The following ATP2B3 variants were observed in gnomAD, a reference collection of about 807,000 sequenced individuals.
The protein encoded by ATP2B3 is ATPase plasma membrane Ca2+ transporting 3.
ATP2B3 carries 12 observed loss-of-function variants against 70.8 expected under a neutral mutation model. The observed-to-expected ratio is 0.17, with a 90% CI of 0.11 to 0.27. The LOEUF (loss-of-function observed/expected upper bound fraction) is 0.27. ATP2B3 is among the 10% of genes least tolerant of loss of function. The probability of loss-of-function intolerance (pLI) is 1.00; values close to 1 mark genes in which losing one functional copy is unlikely to be tolerated. For missense variants in ATP2B3, 858 were observed against 1,118.5 expected, an observed-to-expected ratio of 0.77 and a Z score of 3.32; for synonymous variants, 460 against 497.8, an observed-to-expected ratio of 0.92 and a Z score of 1.01.
rs782331590 is a variant in ATP2B3, at chrX:153,556,237, C to T, written c.2238+9C>T. ...GCAATGAGAAAGGCGAGGTAGCACCCGGCTGTCTGCCACCCCAGACCCCCC... is the reference window on the plus strand; with the variant it reads ...GCAATGAGAAAGGCGAGGTAGCACCTGGCTGTCTGCCACCCCAGACCCCCC... On this transcript the variant is annotated intron_variant, in intron 14 of 21. Coordinates refer to ENST00000263519, the MANE Select transcript of ATP2B3 (RefSeq NM_001001344.3). 13 of 1,204,918 alleles carry T rather than the reference C, an allele frequency of 1.1e-5. No homozygotes were observed. Among genetic ancestry groups the T allele is most frequent in the East Asian group, 8.9e-5 (3 of 33,587 alleles).
At chrX:153,538,266 C>T (rs2090224120) in intron 3 of ATP2B3, among the ~76,000 whole-genome samples, 2 of 113,255 alleles carry the variant, frequency 1.8e-5, no homozygotes, top group African/African-American at 6.4e-5. Context: ...TTGTTGTGCC[C>T]CAAGCCCCAT....
At chrX:153,549,782 G>A (rs1297570758) in intron 11 of ATP2B3, 43 bp downstream of exon 11, 3 of 1,179,853 alleles carry the variant, frequency 2.5e-6, no homozygotes, top group African/African-American at 3.5e-5. Flanking sequence ...GGGGGCAGGA[G>A]CAGGGGAGGG....
Position 153,547,824 on chromosome X carries a change from T to C in ATP2B3, c.959-11T>C, listed in dbSNP as rs368224902. On this transcript the variant is annotated splice_polypyrimidine_tract_variant and intron_variant, in intron 8 of 21. Transcript: ENST00000263519. ...GCACTGACCTTGGCCATGGGGTTCC[T>C]CTGTGTGCAGCTAAGAAGCAGGATG... The C allele has an allele frequency of 7.6e-6, 9 of 1,178,122 alleles. No individual in the cohort carries two copies. In the African/African-American group the frequency reaches 1.6e-4, roughly 21 times the overall value.
At chrX:153,560,553 C>G in intron 18 of ATP2B3, 123 bp from the exon 19 acceptor site, 1 of 801,962 alleles carries the variant, frequency 1.2e-6, no homozygotes, top group Non-Finnish European at 1.8e-6. Context: ...TGGCCGTGAG[C>G]TGGAAGTGGC....
At chrX:153,574,693 C>A in intron 21 of ATP2B3, 1 of 300,038 alleles carries the variant, frequency 3.3e-6, no homozygotes, top group Non-Finnish European at 6.7e-6. Flanking sequence ...GCTTGTCTCC[C>A]TGCTTCTGCG....
At chrX:153,548,560 T>C (rs1306015743) in intron 9 of ATP2B3, 80 bp from the exon 10 acceptor site, 2 of 915,661 alleles carry the variant, frequency 2.2e-6, no homozygotes, top group Non-Finnish European at 3.1e-6. Context: ...ACCGTGTCCA[T>C]ACCTCTTCTT....
intron 12 of ATP2B3, 120 bp downstream of exon 12, chrX:153,550,406 G>C (rs1443549322): frequency 5.7e-6 from 6 of 1,045,043 alleles, no homozygotes; most frequent in Non-Finnish European, 7.7e-6. Context: ...CAGTTGAATG[G>C]CATTAAGCAC....
chrX:153,575,491 G>A (rs1477335553), intron 21 of ATP2B3, among the ~76,000 whole-genome samples: 1 of 112,399 alleles, frequency 8.9e-6, no homozygotes, highest in Non-Finnish European at 1.9e-5. Context: ...GAGTGAGAAA[G>A]ACTGGGGCCG....
intron 2 of ATP2B3, among the ~76,000 whole-genome samples, 191 bp downstream of exon 2, chrX:153,518,742 C>T: frequency 9.0e-6 from 1 of 111,289 alleles, no homozygotes; most frequent in South Asian, 3.8e-4. Context: ...GTGAGGGCTC[C>T]ATGAGGGTTT....
chrX:153,536,581 T>A (rs988566667), intron 3 of ATP2B3, 126 bp downstream of exon 3: 1 of 771,013 alleles, frequency 1.3e-6, no homozygotes, highest in Non-Finnish European at 1.9e-6. Context: ...CTCTCAGCCA[T>A]TTCCCTTGAG....
intron 8 of ATP2B3, among the ~76,000 whole-genome samples, chrX:153,547,227 G>A (rs1377137221): frequency 9.0e-6 from 1 of 110,729 alleles, no homozygotes; most frequent in Non-Finnish European, 1.9e-5. Flanking sequence ...AGTGGGGAGA[G>A]GAGGGAGCCG....
At chrX:153,574,797 G>T (rs868926018) in intron 21 of ATP2B3, 1 of 331,137 alleles carries the variant, frequency 3.0e-6, no homozygotes, top group South Asian at 2.6e-5. Flanking sequence ...TGCACATGGC[G>T]GGCACCTCCA....
intron 3 of ATP2B3, among the ~76,000 whole-genome samples, chrX:153,538,988 G>C (rs1557005296): frequency 8.9e-6 from 1 of 112,977 alleles, no homozygotes; most frequent in African/African-American, 3.2e-5. Context: ...GCAGGCAGGA[G>C]AGAGACTCGC....
chrX:153,560,817 G>A lies in ATP2B3; in HGVS notation c.2981G>A (p.Arg994Lys). ...AACGCCCGCAAGATCCACGGCGAGAGGAACGTGTTCGACGGCATCTTCAGC... is the reference window on the plus strand; with the variant it reads ...AACGCCCGCAAGATCCACGGCGAGAAGAACGTGTTCGACGGCATCTTCAGC... The part of the protein sequence containing the change: ...EINARKIHGE[R>K]NVFDGIFSNP... Residue 994 changes from arginine to lysine, a missense_variant, in exon 19 of 22, where the codon AGG (arginine) becomes AAG (lysine). By Grantham distance (26) the Arg-to-Lys change is conservative. Transcript: ENST00000263519. 8.2e-7 allele frequency: 1 copy of A among 1,212,205 alleles called. No individual in the cohort carries two copies. Among genetic ancestry groups the A allele is most frequent in the East Asian group, 3.0e-5 (1 of 33,851 alleles).
Position 153,545,127 on chromosome X carries a change from G to A in ATP2B3, c.917-961G>A, listed in dbSNP as rs782329488. Among the ~76,000 whole-genome samples, 5 of 112,753 alleles carry A rather than the reference G, an allele frequency of 4.4e-5. No homozygotes were observed. In the South Asian group the frequency reaches 1.1e-3, roughly 25 times the overall value. On this transcript the variant is annotated intron_variant, in intron 7 of 21. Transcript: ENST00000263519. ...GCCCTCCCTGCTCCCTGGGGACCCCGGATCCCAACCCCAACTGCCTGGGAG... is the reference window on the plus strand; with the variant it reads ...GCCCTCCCTGCTCCCTGGGGACCCCAGATCCCAACCCCAACTGCCTGGGAG...
intron 21 of ATP2B3, among the ~76,000 whole-genome samples, chrX:153,570,998 G>A (rs868950198): frequency 5.7e-5 from 3 of 52,889 alleles, no homozygotes; most frequent in Non-Finnish European, 8.1e-5. Context: ...GAGCACGTGC[G>A]CGCGTACACA....
chrX:153,541,734 G>T lies in ATP2B3; in HGVS notation c.472G>T (p.Ala158Ser), dbSNP rs782679701. 44 of 1,209,974 alleles carry T rather than the reference G, an allele frequency of 3.6e-5. No individual in the cohort carries two copies. The East Asian group carries it at 8.6e-4, about 24-fold the overall frequency. ...GGCCGAAGCTGGCTGGATCGAGGGG[G>T]CTGCCATCCTGCTGTCCGTCATCTG... ...GEAEAGWIEG[A>S]AILLSVICVV... Residue 158 changes from alanine (A) to serine (S), a missense_variant, in exon 5 of 22, where the codon GCT (alanine) becomes TCT (serine). By Grantham distance (99) the Ala-to-Ser change is moderately conservative (BLOSUM62 1). Coordinates refer to ENST00000263519, the MANE Select transcript of ATP2B3 (RefSeq NM_001001344.3).
chrX:153,546,247 C>T (rs1456602535), intron 8 of ATP2B3, 118 bp downstream of exon 8: 15 of 900,946 alleles, frequency 1.7e-5, no homozygotes, highest in Admixed American at 1.0e-4. Context: ...ACTTGGAGAC[C>T]AGGTGAGTGG....
rs1314584559 is a variant in ATP2B3 at position 153,559,648 on chromosome X, G to A, written c.2626-81G>A. 34 of 846,042 alleles carry A rather than the reference G, an allele frequency of 4.0e-5. No homozygotes were observed. In the East Asian group the frequency reaches 9.5e-4, roughly 24 times the overall value. The allele number at this position is 846,042 out of a possible 1,213,427, so 69.7% of individuals were successfully genotyped here. On this transcript the variant is annotated intron_variant, in intron 17 of 21. Coordinates refer to ENST00000263519, the MANE Select transcript of ATP2B3 (RefSeq NM_001001344.3). Reference sequence around the variant, plus strand: ...CCTGGTGATGTGGACCCCATGAGGAGCCCCCAGGAGCTACTGGGTTTCCAC... The same window carrying A: ...CCTGGTGATGTGGACCCCATGAGGAACCCCCAGGAGCTACTGGGTTTCCAC...
Sources: allele counts gnomAD v4.1 joint callset (sites outside exome capture counted in the v4.1 genomes callset), GRCh38; gene constraint gnomAD v4.1.1; transcripts MANE v1.5; gene names NCBI Gene and HGNC (gene_info 2026-07-23, HGNC 2026-07-21).